Variants in GALNT9 observed in about 807,000 individuals in gnomAD.
The protein encoded by GALNT9 is polypeptide N-acetylgalactosaminyltransferase 9, also known as GalNAc transferase 9.
In GALNT9, 47 loss-of-function variants were observed where a neutral mutation model predicts 63.1. The ratio of observed to expected loss-of-function variants is 0.75; its 90% confidence interval spans 0.59 to 0.95. The LOEUF is 0.95. Ranked by LOEUF, GALNT9 falls within the 40% of genes least tolerant of loss-of-function variation. The pLI is 0.00. For missense variants in GALNT9, 829 were observed against 874.8 expected, an observed-to-expected ratio of 0.95 and a Z score of 0.66; for synonymous variants, 396 against 365.7, an observed-to-expected ratio of 1.08 and a Z score of -0.94.
At chr12:132,240,969 C>A (rs1555236995) in intron 6 of GALNT9, among the ~76,000 whole-genome samples, 8 of 140,866 alleles carry the variant, frequency 5.7e-5, no homozygotes, top group African/African-American at 1.9e-4. Context: ...CTCCCTATAC[C>A]CATTACACAC....
At position 132,235,042 on chromosome 12, in the gene GALNT9, G is replaced by A. The variant is rs1454882674; in HGVS notation, c.1077+12868C>T. Among the ~76,000 whole-genome samples the A allele has an allele frequency of 4.3e-3, 95 of 22,216 alleles. 1 individual carries two copies. The highest frequency in any genetic ancestry group is 0.015 in the African/African-American group (21 of 1,438). 14.6% of individuals were successfully genotyped at this position (22,216 alleles called of 152,430 possible). A position where few individuals can be genotyped will look rare whatever the true frequency, so the allele number is the denominator to read the frequency against. ...ACAGAGGAGACAGCGTGGAGTCCCT[G>A]GTGCCACACACTCGATGGGGCGACA... On this transcript the variant is annotated intron_variant, in intron 6 of 10. Coordinates refer to ENST00000328957, the MANE Select transcript of GALNT9 (RefSeq NM_001122636.2).
At chr12:132,225,999 A>C (rs1877663962) in intron 6 of GALNT9, among the ~76,000 whole-genome samples, 1 of 125,926 alleles carries the variant, frequency 7.9e-6, no homozygotes, top group Admixed American at 8.6e-5. Context: ...CATACACCCC[A>C]CACACCCCAC....
intron 6 of GALNT9, among the ~76,000 whole-genome samples, chr12:132,239,355 G>GAGACAC (rs1593076178): frequency 6.7e-6 from 1 of 149,654 alleles, no homozygotes; most frequent in African/African-American, 2.5e-5. Context: ...CAGAGTCAGA[G>GAGACAC]ACAGAGAGAG....
intron 4 of GALNT9, 131 bp from the exon 5 acceptor site, chr12:132,258,017 C>G (rs1555239309): frequency 1.5e-6 from 1 of 661,794 alleles, no homozygotes; most frequent in Non-Finnish European, 2.6e-6. Context: ...CCCTGCTGAG[C>G]TAGACCCACA....
Position 132,203,486 on chromosome 12 carries a change from C to A in GALNT9, c.1263+19G>T, listed in dbSNP as rs201212951. The A allele has an allele frequency of 6.2e-7, 1 of 1,612,068 alleles. No homozygotes were observed. The highest frequency in any genetic ancestry group is 8.5e-7 in the Non-Finnish European group (1 of 1,178,900). ...GACCCTGGGGCATGGCCCCGGCTCC[C>A]GGCCTGTGGGGGACTCACCGACATG... On this transcript the variant is annotated intron_variant, in intron 7 of 10. Transcript: ENST00000328957.
intron 2 of GALNT9, among the ~76,000 whole-genome samples, chr12:132,268,883 G>A (rs150884265): frequency 6.8e-4 from 104 of 152,374 alleles, no homozygotes; most frequent in Admixed American, 1.4e-3. Flanking sequence ...CAAAAGCGGC[G>A]CCGGTGAGGG....
At chr12:132,293,183 G>A (rs1247108261) in intron 1 of GALNT9, among the ~76,000 whole-genome samples, 1 of 152,196 alleles carries the variant, frequency 6.6e-6, no homozygotes, top group Admixed American at 6.5e-5. Flanking sequence ...CAGGCAGCTG[G>A]GAGGCTGCAG....
intron 1 of GALNT9, among the ~76,000 whole-genome samples, chr12:132,290,264 C>A (rs1880755746): frequency 6.6e-6 from 1 of 152,154 alleles, no homozygotes; most frequent in South Asian, 2.1e-4. Context: ...CACACAGAGC[C>A]CCCATCATGA....
intron 2 of GALNT9, among the ~76,000 whole-genome samples, chr12:132,264,313 C>T (rs1489550245): frequency 6.6e-6 from 1 of 152,252 alleles, no homozygotes; most frequent in East Asian, 1.9e-4. Context: ...ATCAGGGCAA[C>T]AGAACCTTCC....
At chr12:132,219,741 G>A (rs548688754) in intron 6 of GALNT9, among the ~76,000 whole-genome samples, 38 of 129,246 alleles carry the variant, frequency 2.9e-4, no homozygotes, top group Non-Finnish European at 5.4e-4. Context: ...ACCCGCCCGG[G>A]TAAGGGGAAG....
At chr12:132,298,306 C>T (rs1030440074) in intron 1 of GALNT9, among the ~76,000 whole-genome samples, 2 of 152,092 alleles carry the variant, frequency 1.3e-5, no homozygotes, top group African/African-American at 2.4e-5. Context: ...AACCCATTCC[C>T]ACCACACTTA....
At chr12:132,229,000 A>G (rs1249675392) in intron 6 of GALNT9, among the ~76,000 whole-genome samples, 1 of 152,160 alleles carries the variant, frequency 6.6e-6, no homozygotes, top group African/African-American at 2.4e-5. Context: ...TGGACGGGTT[A>G]GACACGGGTG....
chr12:132,286,318 G>T lies in GALNT9; in HGVS notation c.351C>A (p.Tyr117Ter). 1 of 1,551,296 alleles carries T rather than the reference G, an allele frequency of 6.4e-7. No homozygotes were observed. Among genetic ancestry groups the T allele is most frequent in the Non-Finnish European group, 8.7e-7 (1 of 1,146,908 alleles). ...GQEAEGKYEE[Y>*]GYNAQLSDRI... ...GGTCGCTGAGCTGAGCGTTGTAGCC[G>T]TACTCCTCATACTTGCCTTCCGCCT... The change falls in exon 2 of 11, where the codon TAC becomes TAA. Residue 117 changes from tyrosine to a stop codon, truncating the protein, a stop_gained. Coordinates refer to ENST00000328957, the MANE Select transcript of GALNT9 (RefSeq NM_001122636.2). LOFTEE classifies it high-confidence loss of function. This position sits in a 1 kb window ranked among gnomAD's most constrained non-coding sequence, Gnocchi z 7.4.
intron 5 of GALNT9, among the ~76,000 whole-genome samples, chr12:132,255,820 G>C (rs1475856195): frequency 6.6e-6 from 1 of 152,162 alleles, no homozygotes; most frequent in Non-Finnish European, 1.5e-5. Flanking sequence ...CACCGGCCGC[G>C]ATGACAACAC....
rs572651330 is a variant in GALNT9 at position 132,320,162 on chromosome 12, G to A, written c.238+8804C>T. 2.2e-4 allele frequency among the ~76,000 whole-genome samples: 34 copies of A among 152,376 alleles called. No homozygotes were observed. In the South Asian group the frequency reaches 4.1e-3, roughly 19 times the overall value. On this transcript the variant is annotated intron_variant, in intron 1 of 10. Transcript: ENST00000328957. ...TGGGTACAATGTGCCAGGGCCGGCC[G>A]CCAAGCCCAGGAGCCTCCCCACAGC...
chr12:132,240,866 GC>G (rs1268991966), intron 6 of GALNT9: 1 of 382,046 alleles, frequency 2.6e-6, no homozygotes, highest in African/African-American at 2.2e-5. Context: ...CCTTCCCAGG[GC>G]CGTCCCTATA....
chr12:132,280,533 G>A (rs1041665290), intron 2 of GALNT9: 1 of 152,402 alleles, frequency 6.6e-6, no homozygotes, highest in Admixed American at 6.5e-5. Flanking sequence ...GCTTCTGAGA[G>A]CGGTTAGGGG....
At chr12:132,244,292 C>T (rs1555237815) in intron 6 of GALNT9, among the ~76,000 whole-genome samples, 35 of 3,398 alleles carry the variant, frequency 0.01, no homozygotes, top group East Asian at 0.083. Flanking sequence ...GACGGGGGGG[C>T]GTGGTGATGG....
At chr12:132,239,339 CAG>C (rs1275499898) in intron 6 of GALNT9, among the ~76,000 whole-genome samples, 2 of 61,430 alleles carry the variant, frequency 3.3e-5, no homozygotes, top group African/African-American at 2.0e-4. Context: ...GAGACAGAGT[CAG>C]AGACAGAGTC....
Sources: allele counts gnomAD v4.1 joint callset (sites outside exome capture counted in the v4.1 genomes callset), GRCh38; gene constraint gnomAD v4.1.1; non-coding constraint Gnocchi (gnomAD v3.1); transcripts MANE v1.5; gene names NCBI Gene and HGNC (gene_info 2026-07-23, HGNC 2026-07-21).